Variants in CNTN4 observed in about 807,000 individuals in gnomAD.
The protein encoded by CNTN4 is contactin 4.
In CNTN4, 77 loss-of-function variants were observed where a neutral mutation model predicts 122.5. The observed-to-expected ratio is 0.63, with a 90% CI of 0.52 to 0.76. The LOEUF (loss-of-function observed/expected upper bound fraction) is 0.76. Ranked by LOEUF, CNTN4 falls within the 30% of genes least tolerant of loss-of-function variation. The pLI is 0.00. For synonymous variants in CNTN4, 512 were observed against 447.0 expected, an observed-to-expected ratio of 1.15 and a Z score of -1.83; for missense variants, 1,256 against 1,259.1, an observed-to-expected ratio of 1.00 and a Z score of 0.04.
At chr3:2,896,091 A>G (rs1246377167) in intron 10 of CNTN4, among the ~76,000 whole-genome samples, 2 of 152,110 alleles carry the variant, frequency 1.3e-5, no homozygotes, top group Non-Finnish European at 2.9e-5. Context: ...GTTAGACATC[A>G]TTAGGTCCAA....
chr3:2,451,179 A>T (rs2048816305), intron 3 of CNTN4, among the ~76,000 whole-genome samples: 1 of 152,206 alleles, frequency 6.6e-6, no homozygotes, highest in East Asian at 1.9e-4. Flanking sequence ...AGTAAGAGTG[A>T]CCTTGAAACT....
At chr3:2,478,195 A>G (rs2151555466) in intron 3 of CNTN4, among the ~76,000 whole-genome samples, 1 of 152,286 alleles carries the variant, frequency 6.6e-6, no homozygotes, top group East Asian at 1.9e-4. Context: ...TCAGAAAAGT[A>G]CATTTTTGAT....
intron 7 of CNTN4, among the ~76,000 whole-genome samples, chr3:2,850,701 C>G (rs1417479283): frequency 1.3e-5 from 2 of 152,182 alleles, no homozygotes; most frequent in Non-Finnish European, 2.9e-5. Flanking sequence ...CCATGACTCT[C>G]TTTGTTAGTC....
chr3:2,317,566 C>T (rs2043147018), intron 2 of CNTN4, among the ~76,000 whole-genome samples: 1 of 152,136 alleles, frequency 6.6e-6, no homozygotes, highest in Admixed American at 6.6e-5. Flanking sequence ...CAGTGGATCA[C>T]CGAGGCATTT....
At chr3:2,945,287 C>T (rs2094664251) in intron 13 of CNTN4, among the ~76,000 whole-genome samples, 1 of 152,092 alleles carries the variant, frequency 6.6e-6, no homozygotes, top group Non-Finnish European at 1.5e-5. Flanking sequence ...CAACAGGATG[C>T]CCGGAGGAAT....
intron 2 of CNTN4, among the ~76,000 whole-genome samples, chr3:2,208,511 G>A (rs1303981064): frequency 6.6e-6 from 1 of 152,118 alleles, no homozygotes; most frequent in Non-Finnish European, 1.5e-5. Context: ...AAGATACTGT[G>A]AACATTGTTG....
intron 23 of CNTN4, among the ~76,000 whole-genome samples, chr3:3,048,865 T>C (rs1442115648): frequency 6.6e-6 from 1 of 152,218 alleles, no homozygotes; most frequent in African/African-American, 2.4e-5. Flanking sequence ...AACAAGAAGC[T>C]GACTTTAGAA....
intron 13 of CNTN4, among the ~76,000 whole-genome samples, chr3:2,964,815 T>C (rs1237945007): frequency 1.3e-5 from 2 of 152,206 alleles, no homozygotes; most frequent in African/African-American, 2.4e-5. Flanking sequence ...ACACCTTTAA[T>C]TGAAGTCGCA....
chr3:2,535,999 C>G, intron 3 of CNTN4, among the ~76,000 whole-genome samples: 1 of 152,090 alleles, frequency 6.6e-6, no homozygotes. Flanking sequence ...GCTATTAGTG[C>G]CAAGAAAGAA....
intron 3 of CNTN4, among the ~76,000 whole-genome samples, chr3:2,368,082 G>A (rs1341220369): frequency 2.1e-5 from 3 of 145,334 alleles, no homozygotes; most frequent in African/African-American, 7.8e-5. Context: ...GCCCAGGCTG[G>A]AGTGCAGTGG....
chr3:3,016,813 G>A (rs1697801351), intron 14 of CNTN4, among the ~76,000 whole-genome samples: 1 of 152,126 alleles, frequency 6.6e-6, no homozygotes, highest in Non-Finnish European at 1.5e-5. Flanking sequence ...TTATTAAACA[G>A]CTCTGCTTTG....
intron 2 of CNTN4, among the ~76,000 whole-genome samples, chr3:2,131,178 A>G (rs1269104602): frequency 2.0e-5 from 3 of 152,208 alleles, no homozygotes; most frequent in Non-Finnish European, 4.4e-5. Context: ...GAAGAGTTTC[A>G]GAGAAGTTAA....
intron 14 of CNTN4, among the ~76,000 whole-genome samples, chr3:3,003,684 C>CA (rs58290160): frequency 0.011 from 860 of 76,960 alleles, 35 homozygotes; most frequent in East Asian, 0.028. Flanking sequence ...ATGGTTGCAC[C>CA]AAAAAAAAAA....
intron 2 of CNTN4, among the ~76,000 whole-genome samples, chr3:2,160,001 G>C (rs2035890005): frequency 6.6e-6 from 1 of 151,926 alleles, no homozygotes; most frequent in East Asian, 1.9e-4. Context: ...TTTGCTTTGT[G>C]TTTCCTCTCT....
At chr3:2,812,161 A>G (rs1161783414) in intron 6 of CNTN4, among the ~76,000 whole-genome samples, 1 of 152,164 alleles carries the variant, frequency 6.6e-6, no homozygotes, top group Non-Finnish European at 1.5e-5. Flanking sequence ...ATCAGGAAAA[A>G]TAGCTAATGG....
intron 6 of CNTN4, among the ~76,000 whole-genome samples, chr3:2,797,363 C>T (rs1001396466): frequency 1.3e-5 from 2 of 152,132 alleles, no homozygotes; most frequent in African/African-American, 2.4e-5. Context: ...CTTTGGGAGG[C>T]CAAGTCAGGT....
rs764629417 is a variant in CNTN4 at position 2,385,974 on chromosome 3, C to G, written c.-89+46741C>G. Among the ~76,000 whole-genome samples the G allele has an allele frequency of 2.6e-5, 4 of 152,064 alleles. No individual in the cohort carries two copies. Among genetic ancestry groups the G allele is most frequent in the Non-Finnish European group, 4.4e-5 (3 of 68,020 alleles). ...TCCCGAGAATCCTTCTTTTTATGTT[C>G]AGAAGAGAGGTTATCACCCCACCTT... On this transcript the variant is annotated intron_variant, in intron 3 of 24. Transcript: ENST00000418658. The surrounding 1 kb of genome is among the most constrained non-coding windows in gnomAD (Gnocchi z 4.0).
intron 14 of CNTN4, among the ~76,000 whole-genome samples, chr3:3,010,334 C>G (rs752226061): frequency 2.6e-5 from 4 of 151,964 alleles, no homozygotes; most frequent in Non-Finnish European, 5.9e-5. Context: ...GTAAGTCAGA[C>G]TGTTTCTTGT....
intron 2 of CNTN4, among the ~76,000 whole-genome samples, chr3:2,287,699 A>AGAG (rs2041976108): frequency 6.0e-5 from 5 of 82,750 alleles, no homozygotes; most frequent in African/African-American, 9.5e-5. Context: ...AAGAGGAAGA[A>AGAG]GAAGAAGAAG....
Sources: allele counts gnomAD v4.1 joint callset (sites outside exome capture counted in the v4.1 genomes callset), GRCh38; gene constraint gnomAD v4.1.1; non-coding constraint Gnocchi (gnomAD v3.1); transcripts MANE v1.5; gene names NCBI Gene and HGNC (gene_info 2026-07-23, HGNC 2026-07-21).